FGF13: variants seen among roughly 807,000 people sequenced by gnomAD.
FGF13 encodes fibroblast growth factor 13, also known as fibroblast growth factor homologous factor 2.
A neutral mutation model predicts 19.5 loss-of-function variants in FGF13; 2 were observed. The ratio of observed to expected loss-of-function variants is 0.10; its 90% confidence interval spans 0.04 to 0.32. The LOEUF (loss-of-function observed/expected upper bound fraction) is 0.32. FGF13 is among the 10% of genes least tolerant of loss of function. FGF13 has a pLI of 1.00. For synonymous variants in FGF13, 72 were observed against 76.9 expected (o/e 0.94, Z 0.33); for missense variants, 113 against 192.7 (o/e 0.59, Z 2.45).
rs781581130 is a variant in FGF13, at chrX:139,016,407, C to T, written c.-112-151757G>A. Among the ~76,000 whole-genome samples the T allele has an allele frequency of 3.6e-5, 4 of 111,507 alleles. 1 individual carries two copies. In the South Asian group the frequency reaches 1.5e-3, roughly 42 times the overall value. On this transcript the variant is annotated intron_variant, in intron 1 of 2. Coordinates refer to the FGF13 transcript ENST00000421460. The stretch of plus-strand genomic sequence containing the variant: ...GTCAGTGAAAGATCAAATCTTCTAG[C>T]GCTCTTCCTAGTTCTCTCCCAATCT...
intron 1 of FGF13, among the ~76,000 whole-genome samples, chrX:138,978,976 G>C (rs2091952516): frequency 8.9e-6 from 1 of 112,247 alleles, no homozygotes; most frequent in African/African-American, 3.2e-5. Context: ...GATGAAAAGT[G>C]CATTTTCCAC....
intron 1 of FGF13, among the ~76,000 whole-genome samples, chrX:139,069,702 G>A (rs1788592279): frequency 9.0e-6 from 1 of 111,647 alleles, no homozygotes; most frequent in African/African-American, 3.3e-5. Flanking sequence ...AACAAAGCTG[G>A]AGGCATCACG....
At chrX:139,004,290 G>C (rs1374870304) in intron 1 of FGF13, among the ~76,000 whole-genome samples, 1 of 112,909 alleles carries the variant, frequency 8.9e-6, no homozygotes, top group African/African-American at 3.2e-5. Context: ...CTCATTGCCC[G>C]GAGCCAGCAG....
chrX:139,007,415 C>T (rs767486998), intron 1 of FGF13, among the ~76,000 whole-genome samples: 9 of 110,547 alleles, frequency 8.1e-5, no homozygotes, highest in Non-Finnish European at 1.3e-4. Flanking sequence ...GCTTCAATGC[C>T]CTACATTCAG....
intron 1 of FGF13, among the ~76,000 whole-genome samples, chrX:138,871,409 T>G (rs1230836697): frequency 1.8e-5 from 2 of 112,031 alleles, no homozygotes; most frequent in Admixed American, 1.9e-4. Context: ...TCATATAGTT[T>G]ACACATTTGA....
chrX:138,938,117 T>C (rs1234747735), intron 1 of FGF13, among the ~76,000 whole-genome samples: 2 of 111,280 alleles, frequency 1.8e-5, no homozygotes, highest in Non-Finnish European at 3.8e-5. Context: ...CATAGTGTAG[T>C]TCAGAATAGA....
intron 1 of FGF13, among the ~76,000 whole-genome samples, chrX:139,150,136 T>A (rs1481235663): frequency 9.0e-6 from 1 of 111,359 alleles, no homozygotes; most frequent in Non-Finnish European, 1.9e-5. Context: ...CCAGTAGGCC[T>A]CTAACAACAA....
At chrX:138,965,741 C>G (rs1184436639) in intron 1 of FGF13, among the ~76,000 whole-genome samples, 1 of 111,868 alleles carries the variant, frequency 8.9e-6, no homozygotes, top group Non-Finnish European at 1.9e-5. Context: ...GAACCAATCA[C>G]AGGATCCTTC....
intron 3 of FGF13, among the ~76,000 whole-genome samples, chrX:138,849,249 C>A (rs2091206417): frequency 1.8e-5 from 2 of 111,663 alleles, no homozygotes; most frequent in African/African-American, 6.5e-5. Context: ...GCTTCCTAAT[C>A]TGCAAGACTC....
chrX:138,780,629 T>C (rs2090632824), intron 3 of FGF13, among the ~76,000 whole-genome samples: 2 of 97,102 alleles, frequency 2.1e-5, no homozygotes, highest in African/African-American at 7.7e-5. Flanking sequence ...CCTAAATATA[T>C]ATGCACCCAA....
chrX:139,035,372 C>A (rs1005484248), intron 1 of FGF13, among the ~76,000 whole-genome samples: 2 of 111,050 alleles, frequency 1.8e-5, no homozygotes, highest in Non-Finnish European at 3.8e-5. Flanking sequence ...AGCATTTTTG[C>A]AAAATTAGCC....
chrX:138,984,547 A>G (rs1169500743), intron 1 of FGF13, among the ~76,000 whole-genome samples: 1 of 35,861 alleles, frequency 2.8e-5, no homozygotes, highest in African/African-American at 1.0e-4. Context: ...AAGAAGAAGA[A>G]GAAGAAGAAG....
intron 3 of FGF13, among the ~76,000 whole-genome samples, chrX:138,636,349 G>A (rs2089184001): frequency 9.0e-6 from 1 of 111,699 alleles, no homozygotes; most frequent in Admixed American, 9.5e-5. Context: ...GAGCAGCCCA[G>A]TGGACTTTGA....
rs888436058 is a variant in FGF13, at chrX:138,956,831, C to A, written c.-112-92181G>T. Among the ~76,000 whole-genome samples, 3 of 111,675 alleles carry A rather than the reference C, an allele frequency of 2.7e-5. No individual in the cohort carries two copies. The Admixed American group carries it at 2.9e-4, about 11-fold the overall frequency. ...AAGCACTGAAATTCTGTGGTCTTCA[C>A]ATACTATGGACATGCATCCAAGACT... On this transcript the variant is annotated intron_variant, in intron 1 of 2. Transcript: ENST00000421460.
intron 1 of FGF13, among the ~76,000 whole-genome samples, chrX:138,975,783 AG>A (rs1284794067): frequency 1.4e-4 from 16 of 111,338 alleles, no homozygotes; most frequent in African/African-American, 4.9e-4. Flanking sequence ...GTTGAGAATG[AG>A]GGTAAGAGCA....
Position 138,627,286 on chromosome X carries a change from C to T in FGF13, c.*5564G>A, listed in dbSNP as rs2089071487. ...TGACTCAAAAGGAGCTGAGATTTTACTCAATCATTATCCCATACGTTTCTC... is the reference window on the plus strand; with the variant it reads ...TGACTCAAAAGGAGCTGAGATTTTATTCAATCATTATCCCATACGTTTCTC... On this transcript the variant is annotated 3_prime_UTR_variant, in exon 5 of 5. Transcript: ENST00000315930. The T allele has an allele frequency of 8.9e-6, 1 of 111,808 alleles. No individual in the cohort carries two copies. The highest frequency in any genetic ancestry group is 3.3e-5 in the African/African-American group (1 of 30,759). 9.2% of individuals were successfully genotyped at this position (111,808 alleles called of 1,213,427 possible).
At chrX:138,634,328 C>T (rs2089156743) in intron 4 of FGF13, among the ~76,000 whole-genome samples, 1 of 112,159 alleles carries the variant, frequency 8.9e-6, no homozygotes, top group African/African-American at 3.2e-5. Flanking sequence ...CCGCCCGCCT[C>T]GGCCTCCCCA....
rs1376506084 is a variant in FGF13, at chrX:138,620,068, A to C, written c.*12782T>G. On this transcript the variant is annotated 3_prime_UTR_variant, in exon 5 of 5. Transcript: ENST00000315930. ...AGAGCAAAGATGTGGAATCAACCCAAATGCCCATCAATGATACAGTGGATA... is the reference window on the plus strand; with the variant it reads ...AGAGCAAAGATGTGGAATCAACCCACATGCCCATCAATGATACAGTGGATA... The C allele has an allele frequency of 1.8e-5, 2 of 111,968 alleles. No homozygotes were observed. The highest frequency in any genetic ancestry group is 5.6e-4 in the East Asian group (2 of 3,570). The allele number at this position is 111,968 out of a possible 1,213,427, so 9.2% of individuals were successfully genotyped here.
chrX:139,161,048 A>C (rs1248042810), intron 1 of FGF13, among the ~76,000 whole-genome samples: 1 of 111,781 alleles, frequency 8.9e-6, no homozygotes. Flanking sequence ...ACAACAACAA[A>C]AAAATTTCAG....
Sources: gnomAD v4.1 joint callset for allele counts (sites outside exome capture counted in the v4.1 genomes callset) on GRCh38, gnomAD v4.1.1 for gene constraint, MANE v1.5 for transcripts, NCBI Gene and HGNC (gene_info 2026-07-23, HGNC 2026-07-21) for gene names.